TMCC1: variants seen among roughly 807,000 people sequenced by gnomAD.
TMCC1 encodes transmembrane and coiled-coil domain family 1.
Under a neutral mutation model 52.4 loss-of-function variants are expected in TMCC1, and 15 were observed. The observed-to-expected ratio is 0.29, with a 90% CI of 0.19 to 0.44. TMCC1 has a LOEUF of 0.44. Among genes scored for constraint, TMCC1 ranks in the 20% least tolerant of loss-of-function variants. The pLI is 1.00. For synonymous variants in TMCC1, 279 were observed against 301.9 expected, an observed-to-expected ratio of 0.92 and a Z score of 0.79; for missense variants, 503 against 806.0, an observed-to-expected ratio of 0.62 and a Z score of 4.55.
chr3:129,671,243 T>C lies in TMCC1; in HGVS notation c.598A>G (p.Ser200Gly), dbSNP rs749328558. The C allele has an allele frequency of 6.2e-7, 1 of 1,612,114 alleles. No individual in the cohort carries two copies. The highest frequency in any genetic ancestry group is 1.1e-5 in the South Asian group (1 of 90,916). The change falls in exon 5 of 7, where the codon AGC becomes GGC. Residue 200 changes from serine (S) to glycine (G), a missense_variant. This residue lies in a region of TMCC1 where 217 missense variants were observed against 297.9 expected (regional missense o/e 0.73). Coordinates refer to ENST00000393238, the MANE Select transcript of TMCC1 (RefSeq NM_001017395.5). ...AERIERLEVS[S>G]LAQTSSAVAS... Reference sequence around the variant, plus strand: ...ACTGCACTGGATGTTTGGGCAAGGCTGCTTACTTCCAACCGTTCGATCTAG... The same window carrying C: ...ACTGCACTGGATGTTTGGGCAAGGCCGCTTACTTCCAACCGTTCGATCTAG...
In TMCC1 at chr3:129,785,803, T is replaced by C. The variant is rs114937292; in HGVS notation, c.576+42000A>G. ...AGAGTTTCCTAGATTTACCCCTCTA[T>C]TCCCTCCACAGAAGTTAAGACATTT... On this transcript the variant is annotated intron_variant, in intron 4 of 6. Transcript: ENST00000393238. Among the ~76,000 whole-genome samples the C allele has an allele frequency of 6.8e-3, 1,029 of 152,214 alleles. 9 individuals carry two copies. Among genetic ancestry groups the C allele is most frequent in the South Asian group, 0.022 (106 of 4,822 alleles).
chr3:129,782,935 C>A (rs1005491252), intron 4 of TMCC1, among the ~76,000 whole-genome samples: 2 of 152,122 alleles, frequency 1.3e-5, no homozygotes, highest in Non-Finnish European at 2.9e-5. Flanking sequence ...AATTTAGAAA[C>A]CAGAATGGAG....
At chr3:129,704,333 A>G (rs993474947) in intron 4 of TMCC1, among the ~76,000 whole-genome samples, 6 of 152,248 alleles carry the variant, frequency 3.9e-5, no homozygotes, top group African/African-American at 1.2e-4. Flanking sequence ...AACACTTAAC[A>G]TAAGATGACA....
intron 1 of TMCC1, among the ~76,000 whole-genome samples, chr3:129,887,360 G>A (rs536910364): frequency 1.9e-4 from 29 of 152,012 alleles, no homozygotes; most frequent in African/African-American, 7.0e-4. Context: ...TGGCCAACAT[G>A]GGGGAATCCC....
At chr3:129,834,786 G>C (rs1457956930) in intron 2 of TMCC1, among the ~76,000 whole-genome samples, 3 of 152,132 alleles carry the variant, frequency 2.0e-5, no homozygotes, top group Non-Finnish European at 4.4e-5. Flanking sequence ...ATACCATTGC[G>C]ACAGATGCTA....
rs1437678627 is a variant in TMCC1 at position 129,746,344 on chromosome 3, TA to T, written c.577-75081del. 7.2e-4 allele frequency among the ~76,000 whole-genome samples: 60 copies of T among 83,080 alleles called. 2 individuals are homozygous for T. In the South Asian group the frequency reaches 0.029, roughly 41 times the overall value. 54.5% of individuals were successfully genotyped at this position (83,080 alleles called of 152,430 possible). A position where few individuals can be genotyped will look rare whatever the true frequency, so the allele number is the denominator to read the frequency against. The stretch of plus-strand genomic sequence containing the variant: ...CGCCACCACGCCCAATTCATTTTTG[TA>T]TTTTTTTTTTTTTTAAGTACAGACG... On this transcript the variant is annotated intron_variant, in intron 4 of 6. Coordinates refer to ENST00000393238, the MANE Select transcript of TMCC1 (RefSeq NM_001017395.5).
intron 4 of TMCC1, among the ~76,000 whole-genome samples, chr3:129,727,677 T>A (rs1473547988): frequency 6.6e-6 from 1 of 152,142 alleles, no homozygotes; most frequent in East Asian, 1.9e-4. Context: ...GAGAAAGCTG[T>A]TACAACAAAA....
At chr3:129,729,005 G>A (rs1040845269) in intron 4 of TMCC1, among the ~76,000 whole-genome samples, 1 of 152,044 alleles carries the variant, frequency 6.6e-6, no homozygotes, top group Admixed American at 6.6e-5. Flanking sequence ...TTTAGCAATT[G>A]TGAGTAGAGA....
At chr3:129,762,435 T>C (rs2053689358) in intron 4 of TMCC1, among the ~76,000 whole-genome samples, 1 of 152,218 alleles carries the variant, frequency 6.6e-6, no homozygotes, top group Non-Finnish European at 1.5e-5. Context: ...AACCCTGTAC[T>C]TGACTAGTCA....
chr3:129,655,297 T>A (rs1236678676), intron 5 of TMCC1, among the ~76,000 whole-genome samples, 194 bp from the exon 6 acceptor site: 1 of 152,140 alleles, frequency 6.6e-6, no homozygotes, highest in Non-Finnish European at 1.5e-5. Context: ...CAAGGCCAAA[T>A]CACGTGGCAA....
intron 4 of TMCC1, among the ~76,000 whole-genome samples, chr3:129,762,547 G>A (rs1472246653): frequency 6.6e-6 from 1 of 152,070 alleles, no homozygotes; most frequent in Non-Finnish European, 1.5e-5. Context: ...CAGCACTTTG[G>A]TAGGTCAAGG....
At chr3:129,716,239 T>A (rs568095059) in intron 4 of TMCC1, among the ~76,000 whole-genome samples, 2 of 148,188 alleles carry the variant, frequency 1.3e-5, no homozygotes, top group East Asian at 3.9e-4. Flanking sequence ...CTCGGCTAAC[T>A]GTAACCTCTG....
intron 5 of TMCC1, among the ~76,000 whole-genome samples, chr3:129,658,120 T>C (rs377098773): frequency 6.6e-6 from 1 of 152,256 alleles, no homozygotes; most frequent in East Asian, 1.9e-4. Flanking sequence ...TTCTGTTCAC[T>C]TTCTTCCTTT....
intron 2 of TMCC1, among the ~76,000 whole-genome samples, chr3:129,838,874 G>GAT (rs766719660): frequency 2.0e-5 from 3 of 149,294 alleles, no homozygotes; most frequent in Non-Finnish European, 4.4e-5. Context: ...GAGGAATAAA[G>GAT]ATATAAGATT....
intron 4 of TMCC1, among the ~76,000 whole-genome samples, chr3:129,712,663 G>C (rs1259542095): frequency 6.6e-6 from 1 of 151,810 alleles, no homozygotes; most frequent in East Asian, 1.9e-4. Flanking sequence ...CTGTGGCCCA[G>C]GCTGGTCTTG....
intron 6 of TMCC1, among the ~76,000 whole-genome samples, chr3:129,654,410 G>A (rs1415085429): frequency 6.6e-6 from 1 of 152,174 alleles, no homozygotes; most frequent in Admixed American, 6.5e-5. Context: ...TGAGACTAGT[G>A]TCTTTCAAAA....
intron 4 of TMCC1, among the ~76,000 whole-genome samples, chr3:129,803,823 A>C (rs971675447): frequency 6.6e-6 from 1 of 151,340 alleles, no homozygotes; most frequent in African/African-American, 2.4e-5. Flanking sequence ...GTGTGTAATT[A>C]AAAAAAATAA....
At chr3:129,726,773 G>C (rs1008737164) in intron 4 of TMCC1, among the ~76,000 whole-genome samples, 1 of 147,628 alleles carries the variant, frequency 6.8e-6, no homozygotes, top group African/African-American at 2.5e-5. Context: ...CGGCTACTTG[G>C]GAGGCTGAGG....
chr3:129,883,821 G>C (rs2061573526), intron 1 of TMCC1, among the ~76,000 whole-genome samples: 1 of 151,658 alleles, frequency 6.6e-6, no homozygotes, highest in Admixed American at 6.6e-5. Flanking sequence ...GGTGAAACAA[G>C]ATGGTGAAAC....
Sources: allele counts gnomAD v4.1 joint callset (sites outside exome capture counted in the v4.1 genomes callset), GRCh38; gene constraint gnomAD v4.1.1; regional missense constraint gnomAD v4.1.1; transcripts MANE v1.5; gene names NCBI Gene and HGNC (gene_info 2026-07-23, HGNC 2026-07-21).